Variants in B4GALT7 observed in about 807,000 individuals in gnomAD.
The protein encoded by B4GALT7 is beta-1,4-galactosyltransferase 7, also known as UDP-Gal:beta-GlcNAc beta-1,4-galactosyltransferase 7.
A neutral mutation model predicts 33.0 loss-of-function variants in B4GALT7; 30 were observed. That is an observed-to-expected ratio of 0.91 (90% CI 0.68 to 1.23). The LOEUF is 1.23. Among genes scored for constraint, B4GALT7 ranks in the 50% most tolerant of loss-of-function variants. B4GALT7 has a pLI of 0.00. For synonymous variants in B4GALT7, 213 were observed against 187.2 expected, an observed-to-expected ratio of 1.14 and a Z score of -1.13; for missense variants, 507 against 450.8, an observed-to-expected ratio of 1.12 and a Z score of -1.13.
At position 177,608,813 on chromosome 5, in the gene B4GALT7, G is replaced by A. The variant is rs1768092214; in HGVS notation, c.724-97G>A. 4 of 1,212,450 alleles carry A rather than the reference G, an allele frequency of 3.3e-6. No individual in the cohort carries two copies. In the East Asian group the frequency reaches 9.4e-5, roughly 28 times the overall value. 75.1% of individuals were successfully genotyped at this position (1,212,450 alleles called of 1,614,324 possible). The stretch of plus-strand genomic sequence containing the variant: ...CCCAGTCTCCTCTCCTGCAGGCTGG[G>A]AGTGCAGGTCCCTTCCTGTGGGACC... On this transcript the variant is annotated intron_variant, in intron 4 of 5. Coordinates refer to ENST00000029410, the MANE Select transcript of B4GALT7 (RefSeq NM_007255.3). The surrounding 1 kb of genome is among the most constrained non-coding windows in gnomAD (Gnocchi z 4.1).
rs1463566815 is a variant in B4GALT7, at chr5:177,600,743, A to T, written c.50+483A>T. Reference sequence around the variant, plus strand: ...GGTCTCTGCCTTCCTCATCACATCCATATAGCCTCAGACCCTACCCTTCCT... The same window carrying T: ...GGTCTCTGCCTTCCTCATCACATCCTTATAGCCTCAGACCCTACCCTTCCT... On this transcript the variant is annotated intron_variant, in intron 1 of 5. Coordinates refer to ENST00000029410, the MANE Select transcript of B4GALT7 (RefSeq NM_007255.3). This position sits in a 1 kb window ranked among gnomAD's most constrained non-coding sequence, Gnocchi z 4.4. Among the ~76,000 whole-genome samples, 2 of 152,040 alleles carry T rather than the reference A, an allele frequency of 1.3e-5. No individual in the cohort carries two copies. Among genetic ancestry groups the T allele is most frequent in the Non-Finnish European group, 2.9e-5 (2 of 68,018 alleles).
chr5:177,604,878 C>T (rs933894502), intron 2 of B4GALT7, among the ~76,000 whole-genome samples: 1 of 152,026 alleles, frequency 6.6e-6, no homozygotes, highest in Admixed American at 6.5e-5. Context: ...GACAGGACTC[C>T]CTGGGGATTG....
In B4GALT7 at chr5:177,600,273, G is replaced by A; in HGVS notation, c.50+13G>A. ...GGGAGGACGGCAGGTGAGCGGCGGC[G>A]GTGGGCCCGGGCCCCGTCCTCCCGG... On this transcript the variant is annotated intron_variant, in intron 1 of 5. Coordinates refer to ENST00000029410, the MANE Select transcript of B4GALT7 (RefSeq NM_007255.3). This position sits in a 1 kb window ranked among gnomAD's most constrained non-coding sequence, Gnocchi z 4.4. The A allele has an allele frequency of 7.5e-7, 1 of 1,328,380 alleles. No homozygotes were observed. The highest frequency in any genetic ancestry group is 9.7e-7 in the Non-Finnish European group (1 of 1,034,772). The allele number at this position is 1,328,380 out of a possible 1,614,324, so 82.3% of individuals were successfully genotyped here. A position where few individuals can be genotyped will look rare whatever the true frequency, so the allele number is the denominator to read the frequency against.
In B4GALT7 at chr5:177,600,217, C is replaced by T. The variant is rs749515076; in HGVS notation, c.7C>T (p.Pro3Ser). The T allele has an allele frequency of 9.1e-5, 126 of 1,391,766 alleles. No homozygotes were observed. The highest frequency in any genetic ancestry group is 1.1e-4 in the Non-Finnish European group (117 of 1,066,450). 86.2% of individuals were successfully genotyped at this position (1,391,766 alleles called of 1,614,324 possible). A position where few individuals can be genotyped will look rare whatever the true frequency, so the allele number is the denominator to read the frequency against. MFPSRRKAAQLPW... is the reference protein window; with the variant it reads MFSSRRKAAQLPW... ...GCCGCCGCCTCTCCGCACGATGTTC[C>T]CCTCGCGGAGGAAAGCGGCGCAGCT... is the stretch of plus-strand genomic sequence containing the variant. Residue 3 changes from proline (P) to serine (S), a missense_variant, in exon 1 of 6, where the codon CCC (proline) becomes TCC (serine). Coordinates refer to ENST00000029410, the MANE Select transcript of B4GALT7 (RefSeq NM_007255.3). The surrounding 1 kb of genome is among the most constrained non-coding windows in gnomAD (Gnocchi z 4.4).
In B4GALT7 at chr5:177,604,369, CCT is replaced by C. The variant is rs761789460; in HGVS notation, c.242_243del (p.Pro81ArgfsTer84). On this transcript the variant is annotated frameshift_variant, in exon 2 of 6. Transcript: ENST00000029410. LOFTEE classifies it high-confidence loss of function. ...CCGTGCCTGCCCCCCAGAGCCGCCC[CCT>C]GAGCACTGGGAAGAAGACGCATCCT... Reference protein sequence around the residue: ...PPRACPPEPPPEHWEEDASWG... With the variant: ...PPRACPPEPPXEHWEEDASWG... 6 of 1,612,994 alleles carry C rather than the reference CCT, an allele frequency of 3.7e-6. No individual in the cohort carries two copies. Among genetic ancestry groups the C allele is most frequent in the Non-Finnish European group, 5.1e-6 (6 of 1,179,526 alleles).
At position 177,604,422 on chromosome 5, in the gene B4GALT7, G is replaced by C; in HGVS notation, c.294G>C (p.Leu98=). Residue 98 remains leucine, a synonymous_variant, in exon 2 of 6, where the codon CTG becomes CTC. Transcript: ENST00000029410. ...GGGGCCCCCACCGCCTGGCAGTGCTGGTGCCCTTCCGCGAACGCTTCGAGG... is the reference window on the plus strand; with the variant it reads ...GGGGCCCCCACCGCCTGGCAGTGCTCGTGCCCTTCCGCGAACGCTTCGAGG... The part of the protein sequence containing the change: ...ASWGPHRLAV[L]VPFRERFEEL... 2.5e-6 allele frequency: 4 copies of C among 1,613,922 alleles called. No individual in the cohort carries two copies. Among genetic ancestry groups the C allele is most frequent in the Non-Finnish European group, 3.4e-6 (4 of 1,179,900 alleles).
At chr5:177,609,510 G>C (rs754786714) in intron 5 of B4GALT7, 30 bp from the exon 6 acceptor site, 12 of 1,612,162 alleles carry the variant, frequency 7.4e-6, no homozygotes, top group South Asian at 2.2e-5. Context: ...GCAGCCCTGA[G>C]TCCGTGCTCT....
Position 177,604,215 on chromosome 5 carries a change from T to C in B4GALT7, c.87T>C (p.Cys29=), listed in dbSNP as rs1767914617. The C allele has an allele frequency of 6.2e-7, 1 of 1,613,542 alleles. No homozygotes were observed. The highest frequency in any genetic ancestry group is 1.7e-5 in the Admixed American group (1 of 59,996). The change falls in exon 2 of 6, where the codon TGT becomes TGC. Residue 29 remains cysteine, a synonymous_variant. Coordinates refer to ENST00000029410, the MANE Select transcript of B4GALT7 (RefSeq NM_007255.3). ...GLLSGGLPRK[C]SVFHLFVACL... ...TCTCCGGCGGCCTCCCTCGGAAGTGTTCCGTCTTCCACCTGTTCGTGGCCT... is the reference window on the plus strand; with the variant it reads ...TCTCCGGCGGCCTCCCTCGGAAGTGCTCCGTCTTCCACCTGTTCGTGGCCT...
intron 2 of B4GALT7, chr5:177,607,051 A>G (rs969133032): frequency 1.4e-5 from 8 of 575,442 alleles, no homozygotes; most frequent in African/African-American, 9.4e-5. Flanking sequence ...GTTTCCTTCT[A>G]TTGGAATCTC....
Position 177,606,730 on chromosome 5 carries a change from CT to C in B4GALT7, c.414-570del, listed in dbSNP as rs1383293381. The stretch of plus-strand genomic sequence containing the variant: ...CCCCGTCCTTCAGTGGCCCTTGGGC[CT>C]TGTGCAGTCACTGTGTCACCCCCAA... On this transcript the variant is annotated intron_variant, in intron 2 of 5. Transcript: ENST00000029410. The surrounding 1 kb of genome is among the most constrained non-coding windows in gnomAD (Gnocchi z 4.2). The C allele has an allele frequency of 8.7e-6, 2 of 229,186 alleles. No individual in the cohort carries two copies. The highest frequency in any genetic ancestry group is 1.8e-5 in the Non-Finnish European group (2 of 113,692). 14.2% of individuals were successfully genotyped at this position (229,186 alleles called of 1,614,324 possible). A position where few individuals can be genotyped will look rare whatever the true frequency, so the allele number is the denominator to read the frequency against.
Position 177,608,579 on chromosome 5 carries a change from A to T in B4GALT7, c.680A>T (p.Glu227Val). The change falls in exon 4 of 6, where the codon GAG (glutamate) becomes GTG (valine). Residue 227 changes from glutamate (E) to valine (V), a missense_variant. Glu to Val is a moderately radical substitution (Grantham distance 121). Transcript: ENST00000029410. This position sits in a 1 kb window ranked among gnomAD's most constrained non-coding sequence, Gnocchi z 4.1. ...AACCGCTTCTGGGGCTGGGGCCGCG[A>T]GGACGACGAGTTCTACCGGCGCATT... is the stretch of plus-strand genomic sequence containing the variant. ...MSNRFWGWGREDDEFYRRIKG... is the reference protein window; with the variant it reads ...MSNRFWGWGRVDDEFYRRIKG... 6.2e-7 allele frequency: 1 copy of T among 1,613,652 alleles called. No individual in the cohort carries two copies. Among genetic ancestry groups the T allele is most frequent in the South Asian group, 1.1e-5 (1 of 91,058 alleles).
rs146986464 is a variant in B4GALT7 at position 177,603,027 on chromosome 5, C to T, written c.51-1152C>T. ...CCTCCCAAGTAGCTGGGACTATAGGCGCGTACCACCACACCCAGCTAATTT... is the reference window on the plus strand; with the variant it reads ...CCTCCCAAGTAGCTGGGACTATAGGTGCGTACCACCACACCCAGCTAATTT... On this transcript the variant is annotated intron_variant, in intron 1 of 5. Transcript: ENST00000029410. The T allele has an allele frequency of 1.6e-3, 520 of 316,770 alleles. 2 individuals are homozygous for T. Among genetic ancestry groups the T allele is most frequent in the African/African-American group, 0.011 (477 of 44,402 alleles). 19.6% of individuals were successfully genotyped at this position (316,770 alleles called of 1,614,324 possible). A position where few individuals can be genotyped will look rare whatever the true frequency, so the allele number is the denominator to read the frequency against.
At position 177,608,511 on chromosome 5, in the gene B4GALT7, C is replaced by T. The variant is rs368331992; in HGVS notation, c.640-28C>T. 3.0e-4 allele frequency: 483 copies of T among 1,594,782 alleles called. 1 individual carries two copies. Among genetic ancestry groups the T allele is most frequent in the Middle Eastern group, 2.0e-3 (12 of 5,958 alleles). On this transcript the variant is annotated intron_variant, in intron 3 of 5. Coordinates refer to ENST00000029410, the MANE Select transcript of B4GALT7 (RefSeq NM_007255.3). This position sits in a 1 kb window ranked among gnomAD's most constrained non-coding sequence, Gnocchi z 4.1. ...GGCCCCCCCCCCCGGGAAGATGGGCCGAGTGACGCTGCTTGTCTCTGTGTC... is the reference window on the plus strand; with the variant it reads ...GGCCCCCCCCCCCGGGAAGATGGGCTGAGTGACGCTGCTTGTCTCTGTGTC...
At position 177,604,524 on chromosome 5, in the gene B4GALT7, C is replaced by T. The variant is rs775381039; in HGVS notation, c.396C>T (p.Asn132=). ...TCCGGCACCACATCTACGTGCTCAA[C>T]CAGGTGGACCACTTCAGGTAGCGCC... ...KKIRHHIYVL[N]QVDHFRFNRA... The change falls in exon 2 of 6, where the codon AAC becomes AAT. Residue 132 remains asparagine, a synonymous_variant. Transcript: ENST00000029410. 1.1e-5 allele frequency: 17 copies of T among 1,613,718 alleles called. No homozygotes were observed. Among genetic ancestry groups the T allele is most frequent in the Non-Finnish European group, 1.4e-5 (16 of 1,179,954 alleles).
At position 177,608,096 on chromosome 5, in the gene B4GALT7, C is replaced by T. The variant is rs1768066348; in HGVS notation, c.640-443C>T. Reference sequence around the variant, plus strand: ...GGCCTGGGTGTCCTCCTCTCCAGGCCATGGCAGGGGCCAGCTTTATGTAAA... The same window carrying T: ...GGCCTGGGTGTCCTCCTCTCCAGGCTATGGCAGGGGCCAGCTTTATGTAAA... On this transcript the variant is annotated intron_variant, in intron 3 of 5. Coordinates refer to ENST00000029410, the MANE Select transcript of B4GALT7 (RefSeq NM_007255.3). This position sits in a 1 kb window ranked among gnomAD's most constrained non-coding sequence, Gnocchi z 4.1. 1.3e-5 allele frequency: 3 copies of T among 238,794 alleles called. No homozygotes were observed. The South Asian group carries it at 1.6e-4, about 13-fold the overall frequency. The allele number at this position is 238,794 out of a possible 1,614,324, so 14.8% of individuals were successfully genotyped here.
chr5:177,604,343 C>T lies in B4GALT7; in HGVS notation c.215C>T (p.Pro72Leu), dbSNP rs145261025. The T allele has an allele frequency of 1.3e-5, 21 of 1,611,096 alleles. No homozygotes were observed. Among genetic ancestry groups the T allele is most frequent in the Non-Finnish European group, 1.6e-5 (19 of 1,178,814 alleles). Residue 72 changes from proline to leucine, a missense_variant, in exon 2 of 6, where the codon CCC becomes CTC. Physicochemically the swap from Pro to Leu is moderately conservative, Grantham distance 98. Transcript: ENST00000029410. Reference sequence around the variant, plus strand: ...CAAGGGCAGGAGACCTCGGGCCCTCCCCGTGCCTGCCCCCCAGAGCCGCCC... The same window carrying T: ...CAAGGGCAGGAGACCTCGGGCCCTCTCCGTGCCTGCCCCCCAGAGCCGCCC... ...RGQGQETSGP[P>L]RACPPEPPPE...
intron 5 of B4GALT7, 27 bp downstream of exon 5, chr5:177,609,041 C>T (rs754340877): frequency 7.8e-5 from 124 of 1,592,320 alleles, no homozygotes; most frequent in East Asian, 7.4e-4. Flanking sequence ...TCATTGGGGA[C>T]AGATAGGTGG....
intron 3 of B4GALT7, chr5:177,607,808 T>G: frequency 1.9e-6 from 1 of 517,224 alleles, no homozygotes. Flanking sequence ...TCTCAGACAG[T>G]GTCACCAGGA....
At chr5:177,607,719 G>C in intron 3 of B4GALT7, 192 bp downstream of exon 3, 2 of 625,346 alleles carry the variant, frequency 3.2e-6, no homozygotes, top group Non-Finnish European at 5.6e-6. Flanking sequence ...CTGCTTGCAC[G>C]GGGGCTTCAG....
Sources: allele counts gnomAD v4.1 joint callset (sites outside exome capture counted in the v4.1 genomes callset), GRCh38; gene constraint gnomAD v4.1.1; non-coding constraint Gnocchi (gnomAD v3.1); transcripts MANE v1.5; gene names NCBI Gene and HGNC (gene_info 2026-07-23, HGNC 2026-07-21).